Variants in B3GAT2 observed in about 807,000 individuals in gnomAD.
B3GAT2 encodes the protein galactosylgalactosylxylosylprotein 3-beta-glucuronosyltransferase 2.
A neutral mutation model predicts 27.8 loss-of-function variants in B3GAT2; 26 were observed. That is an observed-to-expected ratio of 0.93 (90% CI 0.68 to 1.30). The LOEUF (loss-of-function observed/expected upper bound fraction) is 1.30, where lower values mean the gene tolerates loss of function less well. Among genes scored for constraint, B3GAT2 ranks in the 50% most tolerant of loss-of-function variants. B3GAT2 has a pLI of 0.00. For missense variants in B3GAT2, 458 were observed against 459.0 expected (o/e 1.00, Z 0.02); for synonymous variants, 218 against 195.1 (o/e 1.12, Z -0.98).
rs559058189 is a variant in B3GAT2 at position 70,916,433 on chromosome 6, A to G, written c.592-22161T>C. Reference sequence around the variant, plus strand: ...TGCCCTGGCCAGAACTTCCAACACGATGTTGAATAGGAGTGGTGAGAGAGA... The same window carrying G: ...TGCCCTGGCCAGAACTTCCAACACGGTGTTGAATAGGAGTGGTGAGAGAGA... On this transcript the variant is annotated intron_variant, in intron 1 of 3. Coordinates refer to ENST00000230053, the MANE Select transcript of B3GAT2 (RefSeq NM_080742.3). 1.6e-4 allele frequency among the ~76,000 whole-genome samples: 24 copies of G among 152,276 alleles called. 1 individual carries two copies. Among genetic ancestry groups the G allele is most frequent in the African/African-American group, 5.8e-4 (24 of 41,550 alleles).
At chr6:70,949,970 C>T (rs1765552714) in intron 1 of B3GAT2, among the ~76,000 whole-genome samples, 1 of 151,186 alleles carries the variant, frequency 6.6e-6, no homozygotes, top group Non-Finnish European at 1.5e-5. Flanking sequence ...AACCAAACAC[C>T]ACATGTTCTC....
At chr6:70,905,712 T>G (rs1772590150) in intron 1 of B3GAT2, among the ~76,000 whole-genome samples, 1 of 152,180 alleles carries the variant, frequency 6.6e-6, no homozygotes, top group Non-Finnish European at 1.5e-5. Flanking sequence ...CAGCTTTTTG[T>G]AACATAGGAT....
At chr6:70,917,857 G>A (rs1356540577) in intron 1 of B3GAT2, among the ~76,000 whole-genome samples, 2 of 152,144 alleles carry the variant, frequency 1.3e-5, no homozygotes, top group Admixed American at 1.3e-4. Flanking sequence ...GTGGGGCTGA[G>A]GAGAATGTAT....
rs569329677 is a variant in B3GAT2 at position 70,890,923 on chromosome 6, T to G, written c.736+3205A>C. ...ATAAGGCACATGCCAATGTTGAAAA[T>G]TCCTAATAAATATCTGTTTTAAGTT... On this transcript the variant is annotated intron_variant, in intron 2 of 3. Transcript: ENST00000230053. 2.0e-5 allele frequency among the ~76,000 whole-genome samples: 3 copies of G among 152,326 alleles called. No homozygotes were observed. The South Asian group carries it at 6.2e-4, about 32-fold the overall frequency.
At position 70,859,647 on chromosome 6, in the gene B3GAT2, A is replaced by G. The variant is rs1771615432; in HGVS notation, c.*2016T>C. On this transcript the variant is annotated 3_prime_UTR_variant, in exon 4 of 4. Transcript: ENST00000230053. ...TCACAGGGTTAAGATGCTTATATAT[A>G]TATATATTTGACTCCAGTCTTGAAG... The G allele has an allele frequency of 6.9e-6, 2 of 289,060 alleles. No homozygotes were observed. Among genetic ancestry groups the G allele is most frequent in the Admixed American group, 4.9e-5 (1 of 20,604 alleles). The allele number at this position is 289,060 out of a possible 1,614,324, so 17.9% of individuals were successfully genotyped here.
At chr6:70,901,515 G>T (rs1001449353) in intron 1 of B3GAT2, among the ~76,000 whole-genome samples, 16 of 152,242 alleles carry the variant, frequency 1.1e-4, no homozygotes, top group Non-Finnish European at 2.1e-4. Context: ...ATAGCCAATT[G>T]AAACAGCTCC....
At chr6:70,919,649 A>G (rs1582380447) in intron 1 of B3GAT2, among the ~76,000 whole-genome samples, 1 of 152,334 alleles carries the variant, frequency 6.6e-6, no homozygotes, top group East Asian at 1.9e-4. Flanking sequence ...TCTAACAGAC[A>G]GTCCCCTCAG....
intron 2 of B3GAT2, among the ~76,000 whole-genome samples, chr6:70,879,562 G>A (rs1349694967): frequency 1.3e-5 from 2 of 152,180 alleles, no homozygotes; most frequent in African/African-American, 4.8e-5. Context: ...AAGGTGGTAA[G>A]CAAAATCAGT....
chr6:70,877,256 G>C (rs1343672606), intron 2 of B3GAT2, among the ~76,000 whole-genome samples: 1 of 152,180 alleles, frequency 6.6e-6, no homozygotes, highest in Non-Finnish European at 1.5e-5. Flanking sequence ...TGCTGGAGAA[G>C]GTCACCAGTG....
At chr6:70,938,491 T>C (rs1330250517) in intron 1 of B3GAT2, among the ~76,000 whole-genome samples, 1 of 151,876 alleles carries the variant, frequency 6.6e-6, no homozygotes, top group African/African-American at 2.4e-5. Context: ...TCACACTACC[T>C]GACTTCAAAC....
intron 1 of B3GAT2, among the ~76,000 whole-genome samples, chr6:70,899,469 T>C (rs1245976645): frequency 6.6e-6 from 1 of 152,210 alleles, no homozygotes; most frequent in Non-Finnish European, 1.5e-5. Context: ...GCTTTATTTT[T>C]CTAGAGGCTG....
intron 2 of B3GAT2, among the ~76,000 whole-genome samples, chr6:70,887,477 G>T (rs537532406): frequency 6.6e-6 from 1 of 152,086 alleles, no homozygotes; most frequent in Admixed American, 6.5e-5. Flanking sequence ...AACTTGTAGC[G>T]GGGACAGCTG....
Position 70,860,258 on chromosome 6 carries a change from G to T in B3GAT2, c.*1405C>A, listed in dbSNP as rs1213309788. On this transcript the variant is annotated 3_prime_UTR_variant, in exon 4 of 4. Transcript: ENST00000230053. Reference sequence around the variant, plus strand: ...AGTGCAACCCCTACTGCAGGTTTTGGCCAGCCCTCCAGCACAACAGCAGGA... The same window carrying T: ...AGTGCAACCCCTACTGCAGGTTTTGTCCAGCCCTCCAGCACAACAGCAGGA... The T allele has an allele frequency of 1.2e-6, 2 of 1,613,674 alleles. No homozygotes were observed. The highest frequency in any genetic ancestry group is 8.5e-7 in the Non-Finnish European group (1 of 1,179,834).
chr6:70,867,221 G>GT (rs1369917880), intron 2 of B3GAT2, among the ~76,000 whole-genome samples: 1 of 152,002 alleles, frequency 6.6e-6, no homozygotes, highest in African/African-American at 2.4e-5. Context: ...TACTGGATAA[G>GT]AAAGGTCTGA....
chr6:70,955,736 C>T, intron 1 of B3GAT2, 103 bp downstream of exon 1: 1 of 1,330,572 alleles, frequency 7.5e-7, no homozygotes, highest in Non-Finnish European at 9.9e-7. Flanking sequence ...GAACTGAGAA[C>T]TCAAAAGTGC....
chr6:70,905,455 T>C (rs998572705), intron 1 of B3GAT2, among the ~76,000 whole-genome samples: 4 of 152,222 alleles, frequency 2.6e-5, no homozygotes, highest in Non-Finnish European at 5.9e-5. Flanking sequence ...GAAAACTTAA[T>C]ACAAAATTAA....
At chr6:70,908,865 G>A (rs1772642030) in intron 1 of B3GAT2, among the ~76,000 whole-genome samples, 1 of 152,276 alleles carries the variant, frequency 6.6e-6, no homozygotes, top group African/African-American at 2.4e-5. Context: ...CTCAGAATAT[G>A]TGACAGCTGG....
At chr6:70,865,058 G>A (rs937952773) in intron 2 of B3GAT2, among the ~76,000 whole-genome samples, 1 of 152,210 alleles carries the variant, frequency 6.6e-6, no homozygotes, top group African/African-American at 2.4e-5. Context: ...TGCATCTGCA[G>A]ATCCAACTAA....
At chr6:70,872,919 C>A (rs1426430612) in intron 2 of B3GAT2, among the ~76,000 whole-genome samples, 1 of 151,870 alleles carries the variant, frequency 6.6e-6, no homozygotes, top group East Asian at 1.9e-4. Flanking sequence ...CAGATTAATA[C>A]CAACTTAATT....
Sources: allele counts gnomAD v4.1 joint callset (sites outside exome capture counted in the v4.1 genomes callset), GRCh38; gene constraint gnomAD v4.1.1; transcripts MANE v1.5; gene names NCBI Gene and HGNC (gene_info 2026-07-23, HGNC 2026-07-21).